Variants in EPPK1 observed in about 807,000 individuals in gnomAD.
EPPK1 encodes the protein epiplakin.
For synonymous variants in EPPK1, 1,862 were observed against 1,721.2 expected (o/e 1.08, Z -2.03); for missense variants, 3,823 against 3,673.3 (o/e 1.04, Z -1.05).
rs746589906 is a variant in EPPK1, at chr8:143,871,042, C to G, written c.2212G>C (p.Val738Leu). 12 of 1,612,974 alleles carry G rather than the reference C, an allele frequency of 7.4e-6. No homozygotes were observed. The East Asian group carries it at 2.2e-4, about 30-fold the overall frequency. ...CGCCGGTAGGCCACGTCCACGGGCA[C>G]GCGGTGGCTGTGCACGGGGTCGATG... is the stretch of plus-strand genomic sequence containing the variant. ...GVIDPVHSHR[V>L]PVDVAYRRGY... is the part of the protein sequence containing the mutation. Residue 738 changes from valine to leucine, a missense_variant, in exon 2 of 2, where the codon GTG becomes CTG. Coordinates refer to ENST00000615648, the MANE Select transcript of EPPK1 (RefSeq NM_031308.4).
chr8:143,870,469 G>A lies in EPPK1; in HGVS notation c.2785C>T (p.Leu929=). The A allele has an allele frequency of 6.2e-7, 1 of 1,603,860 alleles. No individual in the cohort carries two copies. Among genetic ancestry groups the A allele is most frequent in the Non-Finnish European group, 8.5e-7 (1 of 1,177,444 alleles). Residue 929 remains leucine (L), a synonymous_variant, in exon 2 of 2, where the codon CTG becomes TTG. Coordinates refer to ENST00000615648, the MANE Select transcript of EPPK1 (RefSeq NM_031308.4). The surrounding 1 kb of genome is among the most constrained non-coding windows in gnomAD (Gnocchi z 5.2). ...MDGVRRYLCG[L]GAVGGVRLLP... is the part of the protein sequence containing the mutation. ...AGCCGCACACCGCCCACAGCTCCCA[G>A]GCCGCACAGGTACCTGCGGACGCCG...
chr8:143,878,037 C>G (rs1251180300), intron 1 of EPPK1, among the ~76,000 whole-genome samples: 2 of 152,112 alleles, frequency 1.3e-5, no homozygotes, highest in African/African-American at 4.8e-5. Flanking sequence ...CTAGCTGCCT[C>G]CTGGCCTGGG....
intron 1 of EPPK1, among the ~76,000 whole-genome samples, chr8:143,874,177 C>T (rs938083315): frequency 7.2e-5 from 11 of 152,254 alleles, no homozygotes; most frequent in Non-Finnish European, 1.0e-4. Context: ...CCTGCGCCAA[C>T]CCCTTCCACA....
chr8:143,866,168 G>A lies in EPPK1; in HGVS notation c.7086C>T (p.Ala2362=). The A allele has an allele frequency of 2.4e-6, 1 of 411,038 alleles. No homozygotes were observed. The allele number at this position is 411,038 out of a possible 1,614,324, so 25.5% of individuals were successfully genotyped here. A position where few individuals can be genotyped will look rare whatever the true frequency, so the allele number is the denominator to read the frequency against. The change falls in exon 2 of 2, where the codon GCC becomes GCT. Residue 2362 remains alanine, a synonymous_variant. Transcript: ENST00000615648. ...CCTCGTCGAAGTAGCCGCGCCGGTA[G>A]GCCACGTCCACGGGCACGCGGTGGC... The part of the protein sequence containing the change: ...VHSHRVPVDV[A]YRRGYFDEEM...
Position 143,869,371 on chromosome 8 carries a change from T to C in EPPK1, c.3883A>G (p.Asn1295Asp), listed in dbSNP as rs782406577. ...ASGFLVDPLN[N>D]QRLSVEDAVK... The stretch of plus-strand genomic sequence containing the variant: ...GCGTCCTCCACTGACAGTCTCTGGT[T>C]GTTCAGGGGGTCAACAAGGAAGCCA... The change falls in exon 2 of 2, where the codon AAC becomes GAC. Residue 1295 changes from asparagine (N) to aspartate (D), a missense_variant. By Grantham distance (23) the Asn-to-Asp change is conservative. Coordinates refer to ENST00000615648, the MANE Select transcript of EPPK1 (RefSeq NM_031308.4). 4 of 1,610,892 alleles carry C rather than the reference T, an allele frequency of 2.5e-6. No homozygotes were observed. The highest frequency in any genetic ancestry group is 3.4e-6 in the Non-Finnish European group (4 of 1,179,156).
Position 143,867,427 on chromosome 8 carries a change from G to A in EPPK1, c.5827C>T (p.Pro1943Ser), listed in dbSNP as rs1456195229. The A allele has an allele frequency of 6.2e-7, 1 of 1,612,762 alleles. No individual in the cohort carries two copies. The highest frequency in any genetic ancestry group is 2.2e-5 in the East Asian group (1 of 44,882). Residue 1943 changes from proline (P) to serine (S), a missense_variant, in exon 2 of 2, where the codon CCC becomes TCC. Pro to Ser is a moderately conservative substitution (Grantham distance 74). Coordinates refer to ENST00000615648, the MANE Select transcript of EPPK1 (RefSeq NM_031308.4). ...AQAATGFLLD[P>S]CTRQKLSVDE... is the part of the protein sequence containing the mutation. ...ACAGAGAGCTTCTGGCGGGTGCAGG[G>A]GTCCAGGAGGAACCCGGTGGCGGCC...
chr8:143,868,512 G>A lies in EPPK1; in HGVS notation c.4742C>T (p.Thr1581Ile), dbSNP rs1554659968. 1.2e-6 allele frequency: 2 copies of A among 1,609,316 alleles called. No homozygotes were observed. The highest frequency in any genetic ancestry group is 2.2e-5 in the South Asian group (2 of 90,654). Reference sequence around the variant, plus strand: ...CTCTGGGATGCTCATCCTCTCCTGGGTGCCCTGGATAAGGACCCCGGCAAT... The same window carrying A: ...CTCTGGGATGCTCATCCTCTCCTGGATGCCCTGGATAAGGACCCCGGCAAT... ...NFIAGVLIQG[T>I]QERMSIPEAL... The change falls in exon 2 of 2, where the codon ACC (threonine) becomes ATC (isoleucine). Residue 1581 changes from threonine (T) to isoleucine (I), a missense_variant. By Grantham distance (89) the Thr-to-Ile change is moderately conservative. Coordinates refer to ENST00000615648, the MANE Select transcript of EPPK1 (RefSeq NM_031308.4).
Position 143,858,111 on chromosome 8 carries a change from C to G in EPPK1, c.15143G>C (p.Ser5048Thr), listed in dbSNP as rs1554657987. The stretch of plus-strand genomic sequence containing the variant: ...GTCGAAGAAGCCCTTGGTGTCGTCG[C>G]TGGGGTCGGCCAGGACGCGGTTCAT... ...EEMNRVLADPSDDTKGFFDPN... is the reference protein window; with the variant it reads ...EEMNRVLADPTDDTKGFFDPN... Residue 5048 changes from serine to threonine, a missense_variant, in exon 2 of 2, where the codon AGC (serine) becomes ACC (threonine). Physicochemically the swap from Ser to Thr is moderately conservative, Grantham distance 58. Transcript: ENST00000615648. 1.2e-6 allele frequency: 2 copies of G among 1,613,474 alleles called. No individual in the cohort carries two copies. Among genetic ancestry groups the G allele is most frequent in the Admixed American group, 3.3e-5 (2 of 60,038 alleles).
intron 1 of EPPK1, among the ~76,000 whole-genome samples, chr8:143,876,761 G>A (rs553574087): frequency 7.9e-5 from 12 of 152,364 alleles, no homozygotes; most frequent in Admixed American, 2.0e-4. Flanking sequence ...GGGCTTCTAG[G>A]GGGTCAGGGC....
intron 1 of EPPK1, 53 bp from the exon 2 acceptor site, chr8:143,873,351 G>C (rs1352191190): frequency 7.7e-7 from 1 of 1,300,932 alleles, no homozygotes; most frequent in African/African-American, 1.5e-5. Context: ...TGGTGGGCAC[G>C]AGGGAAGATG....
At chr8:143,878,466 TCTCCGCGCGCCCG>T (rs1554662669) in exon 1 of EPPK1, 4 of 117,098 alleles carry the variant, frequency 3.4e-5, no homozygotes, top group Non-Finnish European at 7.2e-5. Context: ...GTCCGCAGTG[TCTCCGCGCGCCCG>T]CTCCGCCCGC....
Position 143,866,417 on chromosome 8 carries a change from C to G in EPPK1, c.6837G>C (p.Leu2279=). ...TGFVIDPVRN[L]RLSVEEAVAA... ...CCACGGCCTCCTCCACCGACAGCCT[C>G]AGGTTGCGCACGGGGTCGATGACGA... The change falls in exon 2 of 2, where the codon CTG becomes CTC. Residue 2279 remains leucine, a synonymous_variant. Transcript: ENST00000615648. 1 of 1,194,360 alleles carries G rather than the reference C, an allele frequency of 8.4e-7. No individual in the cohort carries two copies. The highest frequency in any genetic ancestry group is 1.1e-6 in the Non-Finnish European group (1 of 882,658). The allele number at this position is 1,194,360 out of a possible 1,614,324, so 74.0% of individuals were successfully genotyped here.
In EPPK1 at chr8:143,868,636, T is replaced by A; in HGVS notation, c.4618A>T (p.Ser1540Cys). 6.3e-7 allele frequency: 1 copy of A among 1,593,922 alleles called. No individual in the cohort carries two copies. The change falls in exon 2 of 2, where the codon AGC becomes TGC. Residue 1540 changes from serine to cysteine, a missense_variant. Coordinates refer to ENST00000615648, the MANE Select transcript of EPPK1 (RefSeq NM_031308.4). ...CTCAGCTCGTCCAGCGTCTTCCTGC[T>A]GATCAGCTGCGCCCTGAACAGGTCC... is the stretch of plus-strand genomic sequence containing the variant. ...ARDLFRAQLISRKTLDELSQG... is the reference protein window; with the variant it reads ...ARDLFRAQLICRKTLDELSQG...
At chr8:143,879,130 C>T (rs1554662820), upstream of EPPK1, among the ~76,000 whole-genome samples, 1 of 152,216 alleles carries the variant, frequency 6.6e-6, no homozygotes, top group East Asian at 1.9e-4. Flanking sequence ...CATGGAGGCT[C>T]ACAGCCTCGG....
Position 143,872,659 on chromosome 8 carries a change from G to T in EPPK1, c.595C>A (p.Arg199Ser). ...TCCAGCGTGTTGGGGTCGAGGAAGC[G>T]CAGGTCACCTGTGCCAGGCTCAAGC... ...SELEPGTGDL[R>S]FLDPNTLERL... Residue 199 changes from arginine (R) to serine (S), a missense_variant, in exon 2 of 2, where the codon CGC becomes AGC. Physicochemically the swap from Arg to Ser is moderately radical, Grantham distance 110. Transcript: ENST00000615648. 6.2e-7 allele frequency: 1 copy of T among 1,608,696 alleles called. No homozygotes were observed. Among genetic ancestry groups the T allele is most frequent in the Non-Finnish European group, 8.5e-7 (1 of 1,179,122 alleles).
rs782767924 is a variant in EPPK1 at position 143,867,394 on chromosome 8, C to A, written c.5860G>T (p.Ala1954Ser). ...TCGTTCACCAGGCCCACATCCACAGCCTCATCCACAGAGAGCTTCTGGCGG... is the reference window on the plus strand; with the variant it reads ...TCGTTCACCAGGCCCACATCCACAGACTCATCCACAGAGAGCTTCTGGCGG... ...CTRQKLSVDE[A>S]VDVGLVNEEL... is the part of the protein sequence containing the mutation. The change falls in exon 2 of 2, where the codon GCT becomes TCT. Residue 1954 changes from alanine to serine, a missense_variant. Transcript: ENST00000615648. The A allele has an allele frequency of 1.2e-6, 2 of 1,612,816 alleles. No homozygotes were observed. The highest frequency in any genetic ancestry group is 1.7e-6 in the Non-Finnish European group (2 of 1,179,884).
At chr8:143,878,103 T>C (rs1197263001) in intron 1 of EPPK1, among the ~76,000 whole-genome samples, 1 of 151,840 alleles carries the variant, frequency 6.6e-6, no homozygotes, top group Non-Finnish European at 1.5e-5. Context: ...GGAAAACCGC[T>C]GGGCCTGCGA....
intron 1 of EPPK1, among the ~76,000 whole-genome samples, chr8:143,878,192 C>T (rs1377370214): frequency 2.0e-5 from 3 of 150,786 alleles, no homozygotes; most frequent in Admixed American, 2.0e-4. Context: ...GACTCAGGGG[C>T]GCCACTTCGG....
intron 1 of EPPK1, among the ~76,000 whole-genome samples, chr8:143,874,003 C>T (rs1389366355): frequency 7.2e-5 from 11 of 152,200 alleles, no homozygotes; most frequent in East Asian, 3.9e-4. Flanking sequence ...CTCACATCTG[C>T]GAGCACCACG....
Sources: allele counts gnomAD v4.1 joint callset (sites outside exome capture counted in the v4.1 genomes callset), GRCh38; gene constraint gnomAD v4.1.1; non-coding constraint Gnocchi (gnomAD v3.1); transcripts MANE v1.5; gene names NCBI Gene and HGNC (gene_info 2026-07-23, HGNC 2026-07-21).